EIF4E1B: variants seen among roughly 807,000 people sequenced by gnomAD.
EIF4E1B encodes eukaryotic translation initiation factor 4E type 1B.
A neutral mutation model predicts 31.3 loss-of-function variants in EIF4E1B; 22 were observed. That is an observed-to-expected ratio of 0.70 (90% CI 0.50 to 1.00). The LOEUF is 1.00. EIF4E1B is among the 50% of genes least tolerant of loss of function. The pLI is 0.00. For missense variants in EIF4E1B, 290 were observed against 311.6 expected, an observed-to-expected ratio of 0.93 and a Z score of 0.52; for synonymous variants, 126 against 120.2, an observed-to-expected ratio of 1.05 and a Z score of -0.31.
At chr5:176,642,904 C>T in intron 3 of EIF4E1B, 102 bp downstream of exon 3, 1 of 1,165,506 alleles carries the variant, frequency 8.6e-7, no homozygotes, top group African/African-American at 2.1e-5. Flanking sequence ...GGGTTAAAAG[C>T]TGGTAGCTGG....
intron 5 of EIF4E1B, chr5:176,644,145 G>C: frequency 1.7e-6 from 1 of 582,726 alleles, no homozygotes. Flanking sequence ...GGAGCACCAG[G>C]GGGTCTAAAA....
At chr5:176,637,386 C>T (rs1051330059) in intron 1 of EIF4E1B, among the ~76,000 whole-genome samples, 2 of 152,168 alleles carry the variant, frequency 1.3e-5, no homozygotes, top group Non-Finnish European at 2.9e-5. Flanking sequence ...TTACAGTGGG[C>T]TGAGATCGTG....
At chr5:176,642,972 C>T (rs897058439) in intron 3 of EIF4E1B, 110 bp from the exon 4 acceptor site, 152 of 1,502,932 alleles carry the variant, frequency 1.0e-4, no homozygotes, top group Non-Finnish European at 1.3e-4. Flanking sequence ...CTACTGAAGG[C>T]CTTGTGAGTC....
At chr5:176,634,154 G>A (rs76835723) in intron 1 of EIF4E1B, among the ~76,000 whole-genome samples, 10 of 151,896 alleles carry the variant, frequency 6.6e-5, no homozygotes, top group Non-Finnish European at 1.0e-4. Context: ...GCAGCTTGGT[G>A]GGGGGATGAT....
rs1281580515 is a variant in EIF4E1B, at chr5:176,638,955, GTTGT to G, written c.-201-3073_-201-3070del. Among the ~76,000 whole-genome samples the G allele has an allele frequency of 2.0e-5, 3 of 152,066 alleles. No homozygotes were observed. Among genetic ancestry groups the G allele is most frequent in the African/African-American group, 7.2e-5 (3 of 41,410 alleles). ...ATGCCCAACTAGTTTTGTTGCTGTT[GTTGT>G]TTGTTTGTTTGTTTTATTTTTAGTA... On this transcript the variant is annotated intron_variant, in intron 1 of 8. Transcript: ENST00000318682. The surrounding 1 kb of genome is among the most constrained non-coding windows in gnomAD (Gnocchi z 4.3).
intron 1 of EIF4E1B, among the ~76,000 whole-genome samples, chr5:176,636,740 A>G (rs1760499298): frequency 6.6e-6 from 1 of 152,254 alleles, no homozygotes; most frequent in South Asian, 2.1e-4. Context: ...CCATTACGTC[A>G]CGACGTCCTC....
intron 1 of EIF4E1B, among the ~76,000 whole-genome samples, chr5:176,631,649 C>CAAAA (rs202095726): frequency 1.0e-5 from 1 of 99,956 alleles, no homozygotes; most frequent in Admixed American, 1.0e-4. Flanking sequence ...AGCCAGACTG[C>CAAAA]AAAAAAAAAA....
intron 1 of EIF4E1B, among the ~76,000 whole-genome samples, 153 bp downstream of exon 1, chr5:176,631,217 A>G (rs1009787823): frequency 2.0e-5 from 3 of 152,210 alleles, no homozygotes; most frequent in Non-Finnish European, 4.4e-5. Context: ...CAAGATCCAT[A>G]GAGAGTGCAA....
In EIF4E1B at chr5:176,645,049, G is replaced by A; in HGVS notation, c.361-81G>A. 1 of 1,273,500 alleles carries A rather than the reference G, an allele frequency of 7.9e-7. No homozygotes were observed. The highest frequency in any genetic ancestry group is 1.1e-6 in the Non-Finnish European group (1 of 910,342). 78.9% of individuals were successfully genotyped at this position (1,273,500 alleles called of 1,614,324 possible). A position where few individuals can be genotyped will look rare whatever the true frequency, so the allele number is the denominator to read the frequency against. On this transcript the variant is annotated intron_variant, in intron 6 of 8. Coordinates refer to ENST00000318682, the MANE Select transcript of EIF4E1B (RefSeq NM_001099408.2). This position sits in a 1 kb window ranked among gnomAD's most constrained non-coding sequence, Gnocchi z 5.4. ...GGCCTACTTAGGGCCTCAGCAGAGA[G>A]CGGATAAGGCCGGGATGGTGGGTGG... is the stretch of plus-strand genomic sequence containing the variant.
At position 176,646,018 on chromosome 5, in the gene EIF4E1B, C is replaced by T. The variant is rs573376055; in HGVS notation, c.*38C>T. The T allele has an allele frequency of 1.4e-4, 209 of 1,525,600 alleles. 2 individuals are homozygous for T. The Middle Eastern group carries it at 3.0e-3, about 22-fold the overall frequency. The allele number at this position is 1,525,600 out of a possible 1,614,324, so 94.5% of individuals were successfully genotyped here. A position where few individuals can be genotyped will look rare whatever the true frequency, so the allele number is the denominator to read the frequency against. On this transcript the variant is annotated 3_prime_UTR_variant, in exon 9 of 9. Coordinates refer to ENST00000318682, the MANE Select transcript of EIF4E1B (RefSeq NM_001099408.2). ...CACCCCTCCTATGTAATGGGACAGCCGCCACTGAGCCTCATTACTTTGGGG... is the reference window on the plus strand; with the variant it reads ...CACCCCTCCTATGTAATGGGACAGCTGCCACTGAGCCTCATTACTTTGGGG...
At chr5:176,642,849 T>TCCCC in intron 3 of EIF4E1B, 47 bp downstream of exon 3, 18 of 1,181,904 alleles carry the variant, frequency 1.5e-5, no homozygotes, top group South Asian at 1.2e-4. Flanking sequence ...GGCCCCGCCC[T>TCCCC]CTCCCCCCCC....
chr5:176,634,136 G>T (rs994139761), intron 1 of EIF4E1B, among the ~76,000 whole-genome samples: 3 of 152,012 alleles, frequency 2.0e-5, no homozygotes, highest in African/African-American at 7.3e-5. Context: ...AGGCATTGAG[G>T]GGGTGGAGCA....
chr5:176,645,235 C>G lies in EIF4E1B; in HGVS notation c.466C>G (p.Leu156Val). 6.3e-7 allele frequency: 1 copy of G among 1,596,160 alleles called. No homozygotes were observed. The change falls in exon 7 of 9, where the codon CTG (leucine) becomes GTG (valine). Residue 156 changes from leucine to valine, a missense_variant. Coordinates refer to ENST00000318682, the MANE Select transcript of EIF4E1B (RefSeq NM_001099408.2). This position sits in a 1 kb window ranked among gnomAD's most constrained non-coding sequence, Gnocchi z 5.4. ...CCACATTGAGCTGGACCGGCTGTGG[C>G]TGGAGACGGTGAGTTGGAGGAGGAG... ...QRHIELDRLW[L>V]ETLLCLIGES...
At position 176,645,106 on chromosome 5, in the gene EIF4E1B, G is replaced by T; in HGVS notation, c.361-24G>T. ...ATTTCCCTTTGAACACAGGGAGGCA[G>T]TTGACTTGCCATCTGCCTTGCAGGA... On this transcript the variant is annotated intron_variant, in intron 6 of 8. Transcript: ENST00000318682. The surrounding 1 kb of genome is among the most constrained non-coding windows in gnomAD (Gnocchi z 5.4). 3.2e-6 allele frequency: 5 copies of T among 1,546,272 alleles called. No individual in the cohort carries two copies. The highest frequency in any genetic ancestry group is 4.4e-6 in the Non-Finnish European group (5 of 1,142,800).
chr5:176,639,935 C>T (rs1167468361), intron 1 of EIF4E1B, among the ~76,000 whole-genome samples: 1 of 152,116 alleles, frequency 6.6e-6, no homozygotes, highest in Non-Finnish European at 1.5e-5. Context: ...ACAACAACAA[C>T]AAAATCTAGA....
intron 1 of EIF4E1B, among the ~76,000 whole-genome samples, chr5:176,640,713 T>C (rs1019126839): frequency 2.0e-5 from 3 of 152,218 alleles, no homozygotes; most frequent in African/African-American, 7.2e-5. Flanking sequence ...CCAGCCAGTC[T>C]GTACATGCTC....
chr5:176,636,143 A>C (rs564770946), intron 1 of EIF4E1B, among the ~76,000 whole-genome samples: 2 of 152,188 alleles, frequency 1.3e-5, no homozygotes, highest in Non-Finnish European at 2.9e-5. Flanking sequence ...AGCATTTGCT[A>C]CATTTTTCTC....
chr5:176,643,296 C>A (rs1221942337), intron 4 of EIF4E1B, 30 bp downstream of exon 4: 4 of 1,602,216 alleles, frequency 2.5e-6, no homozygotes, highest in Admixed American at 1.7e-5. Flanking sequence ...TGGAACACAG[C>A]CCCTTGCTTT....
chr5:176,645,406 G>C lies in EIF4E1B; in HGVS notation c.504G>C (p.Glu168Asp), dbSNP rs534960290. 1.3e-6 allele frequency: 2 copies of C among 1,526,702 alleles called. No homozygotes were observed. Among genetic ancestry groups the C allele is most frequent in the Non-Finnish European group, 8.8e-7 (1 of 1,135,210 alleles). 94.6% of individuals were successfully genotyped at this position (1,526,702 alleles called of 1,614,324 possible). Reference sequence around the variant, plus strand: ...TGTGTCTGATCGGGGAGAGCTTTGAGGAACACAGCAGAGAGGTATGTGGGG... The same window carrying C: ...TGTGTCTGATCGGGGAGAGCTTTGACGAACACAGCAGAGAGGTATGTGGGG... The part of the protein sequence containing the change: ...TLLCLIGESF[E>D]EHSREVCGAV... Residue 168 changes from glutamate to aspartate, a missense_variant, in exon 8 of 9, where the codon GAG (glutamate) becomes GAC (aspartate). Transcript: ENST00000318682. The surrounding 1 kb of genome is among the most constrained non-coding windows in gnomAD (Gnocchi z 5.4).
Sources: gnomAD v4.1 joint callset for allele counts (sites outside exome capture counted in the v4.1 genomes callset) on GRCh38, gnomAD v4.1.1 for gene constraint, Gnocchi (gnomAD v3.1) non-coding constraint, MANE v1.5 for transcripts, NCBI Gene and HGNC (gene_info 2026-07-23, HGNC 2026-07-21) for gene names.